The following ARB2A variants were observed in gnomAD, a reference collection of about 807,000 sequenced individuals.
ARB2A encodes the protein cotranscriptional regulator ARB2A.
the ARB2A span, among the ~76,000 whole-genome samples, chr5:94,068,984 G>A: frequency 9.9e-5 from 15 of 151,348 alleles, no homozygotes; most frequent in African/African-American, 2.2e-4. Context: ...GCAGTGAGCC[G>A]AGATCGTGCC....
At chr5:93,745,684 TTTTCTTTTTGACTGCAATAAAGCAAC>T in the ARB2A span, among the ~76,000 whole-genome samples, 1 of 152,030 alleles carries the variant, frequency 6.6e-6, no homozygotes, top group East Asian at 1.9e-4. Context: ...AAAAAATTTT[TTTTCTTTTTGACTGCAATAAAGCAAC>T]AGAGCTGACC....
the ARB2A span, chr5:93,739,582 G>C: frequency 2.0e-5 from 3 of 152,110 alleles, no homozygotes; most frequent in Admixed American, 2.0e-4. Flanking sequence ...AAAACACAGA[G>C]GTACTAAATG....
At chr5:93,960,651 A>G in the ARB2A span, among the ~76,000 whole-genome samples, 1 of 152,348 alleles carries the variant, frequency 6.6e-6, no homozygotes, top group South Asian at 2.1e-4. Flanking sequence ...TAGATAAAAG[A>G]CATTTAACTA....
chr5:93,776,874 A>G, the ARB2A span, among the ~76,000 whole-genome samples: 1 of 152,148 alleles, frequency 6.6e-6, no homozygotes, highest in Non-Finnish European at 1.5e-5. Flanking sequence ...CAGTAAACAA[A>G]TAAAGGTACT....
the ARB2A span, among the ~76,000 whole-genome samples, chr5:93,836,410 A>G: frequency 2.6e-5 from 4 of 152,232 alleles, no homozygotes; most frequent in Non-Finnish European, 5.9e-5. Flanking sequence ...CTAATCCAGA[A>G]AGACACACAC....
chr5:93,729,414 T>G, the ARB2A span, among the ~76,000 whole-genome samples: 2 of 152,112 alleles, frequency 1.3e-5, no homozygotes, highest in African/African-American at 4.8e-5. Context: ...ATGTTACTGC[T>G]TACATGAATA....
At chr5:93,843,422 T>C in the ARB2A span, among the ~76,000 whole-genome samples, 4 of 147,602 alleles carry the variant, frequency 2.7e-5, no homozygotes, top group Non-Finnish European at 4.5e-5. Context: ...GGATACTTTT[T>C]TTTTTTTTTT....
At chr5:93,778,295 T>C in the ARB2A span, among the ~76,000 whole-genome samples, 1 of 152,194 alleles carries the variant, frequency 6.6e-6, no homozygotes, top group Non-Finnish European at 1.5e-5. Context: ...TTACCATTGA[T>C]AGAATACCAC....
At chr5:94,013,878 T>C in the ARB2A span, among the ~76,000 whole-genome samples, 11 of 152,110 alleles carry the variant, frequency 7.2e-5, no homozygotes, top group East Asian at 1.9e-4. Flanking sequence ...AGTAAGAGAA[T>C]TGGACTTCTA....
At chr5:94,082,595 A>G in the ARB2A span, among the ~76,000 whole-genome samples, 1 of 152,198 alleles carries the variant, frequency 6.6e-6, no homozygotes, top group Admixed American at 6.5e-5. Flanking sequence ...ATCTACTGAC[A>G]GTGCACTCCT....
At chr5:93,692,265 C>T in the ARB2A span, among the ~76,000 whole-genome samples, 6 of 152,156 alleles carry the variant, frequency 3.9e-5, no homozygotes, top group Non-Finnish European at 8.8e-5. Context: ...CATTAGTGGG[C>T]TGTATTCGGG....
At chr5:94,077,555 T>C in the ARB2A span, among the ~76,000 whole-genome samples, 1 of 152,130 alleles carries the variant, frequency 6.6e-6, no homozygotes, top group Admixed American at 6.6e-5. Flanking sequence ...TCAAGAACAT[T>C]ATAAATTCTC....
At chr5:93,873,214 G>A in the ARB2A span, among the ~76,000 whole-genome samples, 3 of 149,242 alleles carry the variant, frequency 2.0e-5, no homozygotes, top group East Asian at 2.0e-4. Flanking sequence ...ATTGCTTGAG[G>A]CCAGGAGTTC....
chr5:94,039,919 A>T, the ARB2A span, among the ~76,000 whole-genome samples: 18 of 152,278 alleles, frequency 1.2e-4, 1 homozygote, highest in South Asian at 3.7e-3. Flanking sequence ...TGCAGCACTG[A>T]TCAACTGACT....
At chr5:93,777,617 C>A in the ARB2A span, among the ~76,000 whole-genome samples, 17 of 151,940 alleles carry the variant, frequency 1.1e-4, no homozygotes, top group African/African-American at 4.1e-4. Context: ...TCCCATCAAT[C>A]ATTTTGCCAA....
chr5:93,730,899 G>A, the ARB2A span, among the ~76,000 whole-genome samples: 1 of 152,156 alleles, frequency 6.6e-6, no homozygotes, highest in African/African-American at 2.4e-5. Flanking sequence ...CTTCAGCCCA[G>A]AAGGTTATTG....
chr5:93,763,309 A>G, the ARB2A span, among the ~76,000 whole-genome samples: 2 of 152,166 alleles, frequency 1.3e-5, no homozygotes, highest in Admixed American at 6.6e-5. Flanking sequence ...CCCATCTCAC[A>G]TGCAGAGACA....
the ARB2A span, among the ~76,000 whole-genome samples, chr5:93,906,387 C>T: frequency 1.3e-5 from 2 of 151,138 alleles, no homozygotes; most frequent in East Asian, 1.9e-4. Flanking sequence ...TTCATCTTGG[C>T]CATTTACTAT....
At chr5:93,729,140 C>T in the ARB2A span, among the ~76,000 whole-genome samples, 4 of 152,038 alleles carry the variant, frequency 2.6e-5, no homozygotes, top group Non-Finnish European at 5.9e-5. Flanking sequence ...CCTCACCTCG[C>T]TCCACTCCTA....
Sources: allele counts gnomAD v4.1 joint callset (sites outside exome capture counted in the v4.1 genomes callset), GRCh38; gene constraint gnomAD v4.1.1; transcripts MANE v1.5; gene names NCBI Gene and HGNC (gene_info 2026-07-23, HGNC 2026-07-21).